The following SLC1A4 variants were observed in gnomAD, a reference collection of about 807,000 sequenced individuals.
SLC1A4 encodes the protein neutral amino acid transporter A.
A neutral mutation model predicts 37.7 loss-of-function variants in SLC1A4; 19 were observed. The observed-to-expected ratio is 0.50, with a 90% CI of 0.35 to 0.74. The LOEUF (loss-of-function observed/expected upper bound fraction) is 0.74. Among genes scored for constraint, SLC1A4 ranks in the 30% least tolerant of loss-of-function variants. The probability of loss-of-function intolerance (pLI) is 0.01; values close to 1 mark genes in which losing one functional copy is unlikely to be tolerated. For missense variants in SLC1A4, 570 were observed against 712.9 expected (o/e 0.80, Z 2.28); for synonymous variants, 299 against 309.8 (o/e 0.97, Z 0.37).
At position 65,021,003 on chromosome 2, in the gene SLC1A4, G is replaced by A. The variant is rs113579377; in HGVS notation, c.1456G>A (p.Glu486Lys). Residue 486 changes from glutamate (E) to lysine (K), a missense_variant, in exon 8 of 8, where the codon GAG becomes AAG. Transcript: ENST00000234256. ...HLNQKATKKGEQELAEVKVEA... is the reference protein window; with the variant it reads ...HLNQKATKKGKQELAEVKVEA... The stretch of plus-strand genomic sequence containing the variant: ...GAATCAGAAGGCAACAAAGAAAGGC[G>A]AGCAGGAACTTGCTGAGGTGAAAGT... The A allele has an allele frequency of 1.5e-5, 24 of 1,614,114 alleles. No individual in the cohort carries two copies. The highest frequency in any genetic ancestry group is 3.3e-5 in the Admixed American group (2 of 60,006).
At position 65,018,092 on chromosome 2, in the gene SLC1A4, G is replaced by A; in HGVS notation, c.1056G>A (p.Met352Ile). The stretch of plus-strand genomic sequence containing the variant: ...CTAGCTCAGCGACCCTTCCCTCTAT[G>A]ATGAAGTGCATTGAAGAGAACAATG... ...TCSSSATLPS[M>I]MKCIEENNGV... Residue 352 changes from methionine to isoleucine, a missense_variant, in exon 6 of 8, where the codon ATG becomes ATA. Met to Ile is a conservative substitution (Grantham distance 10). Coordinates refer to ENST00000234256, the MANE Select transcript of SLC1A4 (RefSeq NM_003038.5). This position sits in a 1 kb window ranked among gnomAD's most constrained non-coding sequence, Gnocchi z 4.3. 6.2e-7 allele frequency: 1 copy of A among 1,613,978 alleles called. No individual in the cohort carries two copies. Among genetic ancestry groups the A allele is most frequent in the Non-Finnish European group, 8.5e-7 (1 of 1,179,932 alleles).
At chr2:65,002,209 G>A (rs1473688259) in intron 2 of SLC1A4, among the ~76,000 whole-genome samples, 1 of 149,834 alleles carries the variant, frequency 6.7e-6, no homozygotes, top group Non-Finnish European at 1.5e-5. Flanking sequence ...GAACCTGGGA[G>A]TTGGAGGTTG....
Position 65,021,160 on chromosome 2 carries a change from T to C in SLC1A4, c.*14T>C, listed in dbSNP as rs776475858. On this transcript the variant is annotated 3_prime_UTR_variant, in exon 8 of 8. Transcript: ENST00000234256. ...TCGGTTCTGTGATGGGGCTGGGCTT[T>C]GGGCTTGCCTGCCAGCAGTGATGTC... The C allele has an allele frequency of 3.1e-6, 5 of 1,600,852 alleles. 1 individual carries two copies. In the South Asian group the frequency reaches 3.3e-5, roughly 11 times the overall value.
intron 4 of SLC1A4, chr2:65,011,237 G>A (rs1004200638): frequency 6.5e-6 from 1 of 152,846 alleles, no homozygotes; most frequent in Non-Finnish European, 1.5e-5. Flanking sequence ...TTCACCCCAT[G>A]CATATATAAA....
intron 3 of SLC1A4, among the ~76,000 whole-genome samples, chr2:65,009,442 G>A (rs1425244851): frequency 1.3e-5 from 2 of 152,098 alleles, no homozygotes; most frequent in South Asian, 2.1e-4. Context: ...GAAATGAAAA[G>A]CTACTCCATC....
intron 7 of SLC1A4, among the ~76,000 whole-genome samples, chr2:65,019,997 T>G (rs2103683344): frequency 6.6e-6 from 1 of 152,326 alleles, no homozygotes; most frequent in East Asian, 1.9e-4. Flanking sequence ...CTCTTCAAAA[T>G]GTGCACAATA....
intron 4 of SLC1A4, among the ~76,000 whole-genome samples, chr2:65,013,215 ATTTTG>A (rs766624961): frequency 5.9e-4 from 89 of 152,022 alleles, no homozygotes; most frequent in Non-Finnish European, 9.1e-4. Context: ...GGACATTTGC[ATTTTG>A]TTTTGTTTTG....
rs577636403 is a variant in SLC1A4 at position 64,994,078 on chromosome 2, T to A, written c.527+3908T>A. 1.2e-4 allele frequency among the ~76,000 whole-genome samples: 19 copies of A among 152,358 alleles called. No homozygotes were observed. In the South Asian group the frequency reaches 3.9e-3, roughly 32 times the overall value. On this transcript the variant is annotated intron_variant, in intron 1 of 7. Transcript: ENST00000234256. ...GGTGTATTGGGAACCACATGGCATC[T>A]GGAGGAGAAGTGAACAGTAACTGAC...
chr2:65,007,879 T>C (rs529827056), intron 3 of SLC1A4, among the ~76,000 whole-genome samples: 1 of 152,340 alleles, frequency 6.6e-6, no homozygotes, highest in East Asian at 1.9e-4. Flanking sequence ...CAGTAAATTA[T>C]TGTAAAATAT....
At position 65,018,236 on chromosome 2, in the gene SLC1A4, G is replaced by A. The variant is rs1229494809; in HGVS notation, c.1200G>A (p.Glu400=). 1 of 1,614,028 alleles carries A rather than the reference G, an allele frequency of 6.2e-7. No homozygotes were observed. Among genetic ancestry groups the A allele is most frequent in the African/African-American group, 1.3e-5 (1 of 74,916 alleles). ...AVFIAQLNNV[E]LNAGQIFTIL... ...TCATTGCGCAACTCAACAACGTAGA[G>A]CTCAACGCAGGACAGATTTTCACCA... Residue 400 remains glutamate (E), a synonymous_variant, in exon 6 of 8, where the codon GAG becomes GAA. Transcript: ENST00000234256. The surrounding 1 kb of genome is among the most constrained non-coding windows in gnomAD (Gnocchi z 4.3).
At chr2:65,010,386 A>C (rs1236740987) in intron 3 of SLC1A4, among the ~76,000 whole-genome samples, 2 of 152,186 alleles carry the variant, frequency 1.3e-5, no homozygotes, top group African/African-American at 4.8e-5. Context: ...AACTAGAAGA[A>C]ATTTTTGCTT....
rs1385150933 is a variant in SLC1A4 at position 64,990,039 on chromosome 2, C to T, written c.396C>T (p.Ala132=). 8 of 1,605,218 alleles carry T rather than the reference C, an allele frequency of 5.0e-6. No homozygotes were observed. In the Admixed American group the frequency reaches 6.8e-5, roughly 14 times the overall value. Reference sequence around the variant, plus strand: ...CCACACTGAGTGCCTCGGCGCTCGCCGTGGCCTTGGCGTTCATCATCAAGC... The same window carrying T: ...CCACACTGAGTGCCTCGGCGCTCGCTGTGGCCTTGGCGTTCATCATCAAGC... ...GLTTLSASAL[A]VALAFIIKPG... The change falls in exon 1 of 8, where the codon GCC becomes GCT. Residue 132 remains alanine (A), a synonymous_variant. Transcript: ENST00000234256.
At chr2:65,009,855 C>T (rs1673844464) in intron 3 of SLC1A4, among the ~76,000 whole-genome samples, 1 of 152,020 alleles carries the variant, frequency 6.6e-6, no homozygotes, top group Non-Finnish European at 1.5e-5. Context: ...GCTAGGAGGT[C>T]ACTGTAAGAG....
At chr2:65,009,608 G>A (rs1399136192) in intron 3 of SLC1A4, among the ~76,000 whole-genome samples, 1 of 152,204 alleles carries the variant, frequency 6.6e-6, no homozygotes, top group East Asian at 1.9e-4. Flanking sequence ...CAGACACTTG[G>A]GCTAGGGCCC....
chr2:65,015,816 A>G (rs1674102959), intron 4 of SLC1A4, among the ~76,000 whole-genome samples: 1 of 152,216 alleles, frequency 6.6e-6, no homozygotes. Flanking sequence ...AATTTATATT[A>G]ATTCAAAACA....
intron 1 of SLC1A4, among the ~76,000 whole-genome samples, chr2:64,990,556 GTGCCTA>G (rs1333336521): frequency 1.3e-5 from 2 of 152,236 alleles, no homozygotes; most frequent in African/African-American, 4.8e-5. Flanking sequence ...CTCCCACATG[GTGCCTA>G]AAAGCTTCTG....
Position 65,022,221 on chromosome 2 carries a change from T to G in SLC1A4, c.*1075T>G, listed in dbSNP as rs529932275. On this transcript the variant is annotated 3_prime_UTR_variant, in exon 8 of 8. Coordinates refer to ENST00000234256, the MANE Select transcript of SLC1A4 (RefSeq NM_003038.5). ...CACAGGTTCCCAGGTCCCCTGGCTTTGGCTGATTTCAAAATATAGAGCCCT... is the reference window on the plus strand; with the variant it reads ...CACAGGTTCCCAGGTCCCCTGGCTTGGGCTGATTTCAAAATATAGAGCCCT... 1 of 152,402 alleles carries G rather than the reference T, an allele frequency of 6.6e-6. No individual in the cohort carries two copies. Among genetic ancestry groups the G allele is most frequent in the East Asian group, 1.9e-4 (1 of 5,192 alleles). The allele number at this position is 152,402 out of a possible 1,614,324, so 9.4% of individuals were successfully genotyped here.
At chr2:65,009,172 C>A (rs1268016732) in intron 3 of SLC1A4, among the ~76,000 whole-genome samples, 2 of 152,094 alleles carry the variant, frequency 1.3e-5, no homozygotes, top group Non-Finnish European at 2.9e-5. Context: ...CCAGCCTGAC[C>A]AACATGGAGA....
chr2:65,001,169 G>A, intron 1 of SLC1A4: 1 of 355,602 alleles, frequency 2.8e-6, no homozygotes, highest in Non-Finnish European at 5.1e-6. Flanking sequence ...TCAGCTAGGG[G>A]TGGAGAGAGA....
Sources: allele counts gnomAD v4.1 joint callset (sites outside exome capture counted in the v4.1 genomes callset), GRCh38; gene constraint gnomAD v4.1.1; non-coding constraint Gnocchi (gnomAD v3.1); transcripts MANE v1.5; gene names NCBI Gene and HGNC (gene_info 2026-07-23, HGNC 2026-07-21).